The following MDGA2 variants were observed in gnomAD, a reference collection of about 807,000 sequenced individuals.
MDGA2 encodes the protein MAM domain-containing glycosylphosphatidylinositol anchor protein 2.
In MDGA2, 40 loss-of-function variants were observed where a neutral mutation model predicts 117.8. That is an observed-to-expected ratio of 0.34 (90% confidence interval 0.26 to 0.44). MDGA2 has a LOEUF of 0.44. Among genes scored for constraint, MDGA2 ranks in the 20% least tolerant of loss-of-function variants. MDGA2 has a pLI of 1.00. For missense variants in MDGA2, 1,123 were observed against 1,250.6 expected, an observed-to-expected ratio of 0.90 and a Z score of 1.54; for synonymous variants, 452 against 439.0, an observed-to-expected ratio of 1.03 and a Z score of -0.37.
chr14:47,332,745 G>GT (rs1295293684), intron 1 of MDGA2, among the ~76,000 whole-genome samples: 2 of 151,750 alleles, frequency 1.3e-5, no homozygotes, highest in African/African-American at 4.8e-5. Context: ...GGCTTTTAAC[G>GT]TAACCATTAC....
At chr14:47,543,481 G>A (rs1895393964) in intron 1 of MDGA2, among the ~76,000 whole-genome samples, 2 of 152,218 alleles carry the variant, frequency 1.3e-5, no homozygotes, top group South Asian at 2.1e-4. Flanking sequence ...TGGTTAAATC[G>A]TTGACACTTC....
At chr14:47,117,232 GACT>G (rs1881380191) in intron 5 of MDGA2, among the ~76,000 whole-genome samples, 1 of 152,128 alleles carries the variant, frequency 6.6e-6, no homozygotes, top group African/African-American at 2.4e-5. Flanking sequence ...CTGTCAGGAT[GACT>G]ACTACTTTTA....
intron 3 of MDGA2, among the ~76,000 whole-genome samples, chr14:47,204,014 A>G (rs536922102): frequency 1.1e-4 from 17 of 152,162 alleles, no homozygotes; most frequent in African/African-American, 4.1e-4. Flanking sequence ...AATATTTAGA[A>G]AAGTACAAAG....
At chr14:47,492,151 A>G (rs1313488480) in intron 1 of MDGA2, among the ~76,000 whole-genome samples, 1 of 152,090 alleles carries the variant, frequency 6.6e-6, no homozygotes, top group African/African-American at 2.4e-5. Context: ...AATGAACCCA[A>G]TTGTGCATTT....
chr14:47,114,554 G>A (rs1279710064), intron 5 of MDGA2, among the ~76,000 whole-genome samples: 1 of 152,042 alleles, frequency 6.6e-6, no homozygotes, highest in Non-Finnish European at 1.5e-5. Flanking sequence ...AAACAGCAGG[G>A]TAGTGGTACA....
intron 1 of MDGA2, among the ~76,000 whole-genome samples, chr14:47,635,205 A>C (rs997444953): frequency 6.6e-6 from 1 of 152,184 alleles, no homozygotes; most frequent in South Asian, 2.1e-4. Flanking sequence ...GCAAGAAATA[A>C]ATTTTATGTT....
intron 8 of MDGA2, among the ~76,000 whole-genome samples, chr14:46,961,509 A>G (rs943583208): frequency 6.6e-6 from 1 of 152,096 alleles, no homozygotes; most frequent in African/African-American, 2.4e-5. Context: ...AATAACGTAT[A>G]CTTCATTTAT....
Position 47,674,633 on chromosome 14 carries a change from G to C in MDGA2, c.164C>G (p.Pro55Arg), listed in dbSNP as rs771519626. ...AWLAAGLLKV[P>R]LRTPWAGYVH... ...ATATCCAGCCCAGGGGGTACGCAAC[G>C]GGACCTTCAGGAGGCCGGCGGCCAG... The change falls in exon 1 of 17, where the codon CCG (proline) becomes CGG (arginine). Residue 55 changes from proline (P) to arginine (R), a missense_variant. Around this residue, in one of 2 missense-constraint regions of MDGA2, gnomAD observed 233 missense variants for 200.3 expected, o/e 1.16. Transcript: ENST00000399232. The C allele has an allele frequency of 1.6e-5, 25 of 1,523,388 alleles. 1 individual carries two copies. The South Asian group carries it at 2.4e-4, about 15-fold the overall frequency. The allele number at this position is 1,523,388 out of a possible 1,614,324, so 94.4% of individuals were successfully genotyped here. A position where few individuals can be genotyped will look rare whatever the true frequency, so the allele number is the denominator to read the frequency against.
intron 14 of MDGA2, among the ~76,000 whole-genome samples, chr14:46,866,576 G>A (rs1174202498): frequency 1.3e-4 from 20 of 151,718 alleles, no homozygotes; most frequent in Admixed American, 7.9e-4. Flanking sequence ...CTGCACAGCA[G>A]AAGAAACTAC....
intron 7 of MDGA2, among the ~76,000 whole-genome samples, chr14:47,046,534 G>C (rs1307355211): frequency 6.6e-6 from 1 of 151,364 alleles, no homozygotes; most frequent in Non-Finnish European, 1.5e-5. Context: ...ACACCAACAT[G>C]GCACATGTGT....
chr14:47,045,954 G>C (rs771808873), intron 7 of MDGA2, among the ~76,000 whole-genome samples: 18 of 148,394 alleles, frequency 1.2e-4, no homozygotes, highest in Non-Finnish European at 2.5e-4. Context: ...AACAGGGTGA[G>C]ACTCGGTCTC....
intron 2 of MDGA2, among the ~76,000 whole-genome samples, chr14:47,288,178 C>G (rs963497633): frequency 2.0e-5 from 3 of 152,152 alleles, no homozygotes; most frequent in African/African-American, 7.2e-5. Flanking sequence ...ATTTGAGAAC[C>G]ATTTAGACTC....
At position 47,645,299 on chromosome 14, in the gene MDGA2, G is replaced by A. The variant is rs115910425; in HGVS notation, c.280+29218C>T. On this transcript the variant is annotated intron_variant, in intron 1 of 16. Coordinates refer to ENST00000399232, the MANE Select transcript of MDGA2 (RefSeq NM_001113498.3). Reference sequence around the variant, plus strand: ...CCGCTGTCTCCCAAGCTGGAGGTGCGGTGGCGCGATATCGGCTCCCTGCAA... The same window carrying A: ...CCGCTGTCTCCCAAGCTGGAGGTGCAGTGGCGCGATATCGGCTCCCTGCAA... Among the ~76,000 whole-genome samples the A allele has an allele frequency of 4.5e-3, 679 of 151,732 alleles. 6 individuals carry two copies. Among genetic ancestry groups the A allele is most frequent in the African/African-American group, 0.016 (646 of 41,348 alleles).
intron 1 of MDGA2, among the ~76,000 whole-genome samples, chr14:47,400,414 T>A (rs1594837903): frequency 6.6e-6 from 1 of 152,234 alleles, no homozygotes; most frequent in East Asian, 1.9e-4. Flanking sequence ...GTTCTCTCTA[T>A]CCCCTTATAC....
chr14:46,867,186 C>T (rs186948211), intron 14 of MDGA2, among the ~76,000 whole-genome samples: 10 of 152,164 alleles, frequency 6.6e-5, no homozygotes, highest in South Asian at 2.1e-4. Context: ...ATGTGGCACA[C>T]ATACACCATG....
At chr14:47,512,702 G>A (rs1323699106) in intron 1 of MDGA2, among the ~76,000 whole-genome samples, 1 of 152,088 alleles carries the variant, frequency 6.6e-6, no homozygotes, top group Non-Finnish European at 1.5e-5. Flanking sequence ...ATTGATGTCA[G>A]TCTCTTATAA....
At chr14:47,330,952 A>G (rs2139910254) in intron 1 of MDGA2, among the ~76,000 whole-genome samples, 1 of 152,050 alleles carries the variant, frequency 6.6e-6, no homozygotes, top group East Asian at 1.9e-4. Flanking sequence ...TGTTATCTCT[A>G]TGTTTCTGTG....
chr14:47,537,802 C>T (rs1043800040), intron 1 of MDGA2, among the ~76,000 whole-genome samples: 12 of 151,868 alleles, frequency 7.9e-5, no homozygotes, highest in Non-Finnish European at 1.8e-4. Context: ...TTCCAGGGTT[C>T]ACTGCATTTC....
intron 10 of MDGA2, among the ~76,000 whole-genome samples, chr14:46,887,868 A>G (rs898007112): frequency 6.6e-6 from 1 of 151,940 alleles, no homozygotes; most frequent in Non-Finnish European, 1.5e-5. Context: ...TTTATTTGAT[A>G]TTTTACTTTT....
Sources: gnomAD v4.1 joint callset for allele counts (sites outside exome capture counted in the v4.1 genomes callset) on GRCh38, gnomAD v4.1.1 for gene constraint, gnomAD v4.1.1 regional missense constraint, MANE v1.5 for transcripts, NCBI Gene and HGNC (gene_info 2026-07-23, HGNC 2026-07-21) for gene names.